Variants in TRRAP observed in about 807,000 individuals in gnomAD.
The protein encoded by TRRAP is transformation/transcription domain associated protein.
In TRRAP, 41 loss-of-function variants were observed where a neutral mutation model predicts 438.8. The ratio of observed to expected loss-of-function variants is 0.09; its 90% CI spans 0.07 to 0.12. The LOEUF (loss-of-function observed/expected upper bound fraction) is 0.12. Ranked by LOEUF, TRRAP falls within the 10% of genes least tolerant of loss-of-function variation. The pLI is 1.00. For synonymous variants in TRRAP, 1,994 were observed against 1,962.9 expected (o/e 1.02, Z -0.42); for missense variants, 3,122 against 5,055.1 (o/e 0.62, Z 11.60).
At position 99,012,052 on chromosome 7, in the gene TRRAP, C is replaced by G. The variant is rs527587202; in HGVS notation, c.11338-19C>G. ...GTTCTTGGTTAAACACAAGTCGTCT[C>G]GTTCTCTCCCTCACGCAGGTGGATG... On this transcript the variant is annotated intron_variant, in intron 72 of 72. Transcript: ENST00000456197. The surrounding 1 kb of genome is among the most constrained non-coding windows in gnomAD (Gnocchi z 5.9). 5.3e-5 allele frequency: 86 copies of G among 1,609,886 alleles called. 2 individuals carry two copies. The South Asian group carries it at 7.5e-4, about 14-fold the overall frequency.
At chr7:98,950,597 G>T (rs938772335) in intron 38 of TRRAP, among the ~76,000 whole-genome samples, 4 of 152,248 alleles carry the variant, frequency 2.6e-5, no homozygotes, top group African/African-American at 7.2e-5. Context: ...GTGCATGCAG[G>T]AGTGACCCAG....
At chr7:98,944,297 G>A (rs1282409106) in intron 31 of TRRAP, among the ~76,000 whole-genome samples, 8 of 152,022 alleles carry the variant, frequency 5.3e-5, no homozygotes, top group African/African-American at 1.9e-4. Context: ...AAAACCTAGT[G>A]GGTAGATTCA....
chr7:98,999,359 C>G, intron 67 of TRRAP: 1 of 1,402,868 alleles, frequency 7.1e-7, no homozygotes, highest in Non-Finnish European at 1.0e-6. Context: ...ACAGTGATTC[C>G]ACATCCTGCA....
chr7:98,898,919 A>G (rs1055631943), intron 8 of TRRAP, among the ~76,000 whole-genome samples: 1 of 152,214 alleles, frequency 6.6e-6, no homozygotes, highest in African/African-American at 2.4e-5. Context: ...CGGGCACGGT[A>G]GCACACACCT....
At chr7:98,960,466 CTG>C (rs1454637512) in intron 45 of TRRAP, among the ~76,000 whole-genome samples, 2 of 152,154 alleles carry the variant, frequency 1.3e-5, no homozygotes, top group Admixed American at 1.3e-4. Context: ...ACCACGAACT[CTG>C]TCTTCTATTT....
chr7:98,887,317 C>G lies in TRRAP; in HGVS notation c.151-3018C>G, dbSNP rs1795757935. On this transcript the variant is annotated intron_variant, in intron 3 of 72. Transcript: ENST00000456197. ...CAAATATGTTTGACTTCTTGATAAC[C>G]TGGCAGTTAGTTCAGTGTTGCAGCA... Among the ~76,000 whole-genome samples the G allele has an allele frequency of 2.0e-5, 3 of 152,196 alleles. 1 individual carries two copies. The highest frequency in any genetic ancestry group is 6.5e-5 in the Admixed American group (1 of 15,278).
chr7:98,914,366 C>T lies in TRRAP; in HGVS notation c.2200-1357C>T, dbSNP rs782206622. Among the ~76,000 whole-genome samples, 35 of 151,968 alleles carry T rather than the reference C, an allele frequency of 2.3e-4. 1 individual carries two copies. Among genetic ancestry groups the T allele is most frequent in the Admixed American group, 4.6e-4 (7 of 15,242 alleles). On this transcript the variant is annotated intron_variant, in intron 18 of 72. Transcript: ENST00000456197. ...TGCAGTGCACTTCAGCTTAGGTGAC[C>T]GAGTGAGATCCTGTCTCCAAAACAG...
chr7:98,924,813 C>G (rs2116482912), intron 21 of TRRAP, among the ~76,000 whole-genome samples: 1 of 150,910 alleles, frequency 6.6e-6, no homozygotes, highest in Non-Finnish European at 1.5e-5. Context: ...ACCATCCTGG[C>G]TAACACAGTG....
rs201549857 is a variant in TRRAP, at chr7:98,908,819, G to A, written c.1207G>A (p.Ala403Thr). 31 of 1,611,204 alleles carry A rather than the reference G, an allele frequency of 1.9e-5. No individual in the cohort carries two copies. In the East Asian group the frequency reaches 3.1e-4, roughly 16 times the overall value. Reference protein sequence around the residue: ...SDLSLAVQLFAKNIDDESLPS... With the variant: ...SDLSLAVQLFTKNIDDESLPS... ...CCTCTCCCTCGCCGTCCAGCTCTTC[G>A]CCAAGAACATCGACGATGAGTCCCT... The change falls in exon 14 of 73, where the codon GCC becomes ACC. Residue 403 changes from alanine (A) to threonine (T), a missense_variant. This residue lies in a region of TRRAP where 343 missense variants were observed against 564.0 expected (regional missense o/e 0.61). Coordinates refer to ENST00000456197, the MANE Select transcript of TRRAP (RefSeq NM_001375524.1). This position sits in a 1 kb window ranked among gnomAD's most constrained non-coding sequence, Gnocchi z 4.1.
Position 98,935,572 on chromosome 7 carries a change from T to TA in TRRAP, c.4015-7_4015-6insA, listed in dbSNP as rs1562949392. 1 of 1,596,256 alleles carries TA rather than the reference T, an allele frequency of 6.3e-7. No individual in the cohort carries two copies. The highest frequency in any genetic ancestry group is 8.6e-7 in the Non-Finnish European group (1 of 1,165,414). On this transcript the variant is annotated splice_region_variant and splice_polypyrimidine_tract_variant and intron_variant, in intron 27 of 72. Coordinates refer to ENST00000456197, the MANE Select transcript of TRRAP (RefSeq NM_001375524.1). ...TGGGCTAAATGAAATTGTTTTATCT[T>TA]TTGCAGCTGTTGAATTTGTGTGAGG...
intron 29 of TRRAP, 117 bp downstream of exon 29, chr7:98,937,394 T>A: frequency 2.8e-6 from 4 of 1,417,096 alleles, no homozygotes; most frequent in Non-Finnish European, 3.7e-6. Context: ...CTAAAAGGCT[T>A]TATGCATGTG....
chr7:98,961,860 C>T (rs957992274), intron 46 of TRRAP, among the ~76,000 whole-genome samples: 5 of 152,246 alleles, frequency 3.3e-5, no homozygotes, highest in African/African-American at 7.2e-5. Flanking sequence ...CCAGAGGTTG[C>T]GGTGAGCCGA....
chr7:98,930,280 T>A, intron 24 of TRRAP, 74 bp downstream of exon 24: 1 of 1,543,506 alleles, frequency 6.5e-7, no homozygotes, highest in Non-Finnish European at 8.9e-7. Context: ...TAGAAACTGA[T>A]AGTTTAAGAA....
rs782764762 is a variant in TRRAP, at chr7:98,917,581, G to A, written c.2524G>A (p.Val842Ile). 1.1e-5 allele frequency: 18 copies of A among 1,614,094 alleles called. No homozygotes were observed. The highest frequency in any genetic ancestry group is 2.7e-5 in the African/African-American group (2 of 74,938). Residue 842 changes from valine to isoleucine, a missense_variant, in exon 20 of 73, where the codon GTC becomes ATC. Physicochemically the swap from Val to Ile is conservative, Grantham distance 29. Coordinates refer to ENST00000456197, the MANE Select transcript of TRRAP (RefSeq NM_001375524.1). Reference sequence around the variant, plus strand: ...TGCACTCAATGGGTCTCAGACATTGGTCAGCCAAGGCCTCAGGACGCTGGA... The same window carrying A: ...TGCACTCAATGGGTCTCAGACATTGATCAGCCAAGGCCTCAGGACGCTGGA... The part of the protein sequence containing the change: ...VSALNGSQTL[V>I]SQGLRTLELC...
chr7:98,935,238 C>G (rs310735), intron 27 of TRRAP, among the ~76,000 whole-genome samples: 152,254 of 152,260 alleles, frequency 1, 76,124 homozygotes, highest in Middle Eastern at 1. Flanking sequence ...ACCAGGAAGA[C>G]ACGGCCCTGC....
Position 98,993,753 on chromosome 7 carries a change from C to T in TRRAP, c.10047+16C>T. 1 of 1,613,678 alleles carries T rather than the reference C, an allele frequency of 6.2e-7. No individual in the cohort carries two copies. Among genetic ancestry groups the T allele is most frequent in the Non-Finnish European group, 8.5e-7 (1 of 1,179,586 alleles). ...GCATGAAGAGGTATTTGGCTCTGAT[C>T]TTGCACATGGTGGCTCCTTGTAGAG... On this transcript the variant is annotated intron_variant, in intron 66 of 72. Transcript: ENST00000456197.
chr7:99,008,885 A>G (rs187798164), intron 70 of TRRAP, among the ~76,000 whole-genome samples: 1 of 152,296 alleles, frequency 6.6e-6, no homozygotes, highest in East Asian at 1.9e-4. Flanking sequence ...GGCTCACTTG[A>G]CAGCCACACC....
At chr7:98,917,029 G>C (rs1789547704) in intron 19 of TRRAP, among the ~76,000 whole-genome samples, 1 of 152,022 alleles carries the variant, frequency 6.6e-6, no homozygotes, top group Non-Finnish European at 1.5e-5. Flanking sequence ...GGTGGGGAGG[G>C]GGACTTTATC....
rs776990499 is a variant in TRRAP, at chr7:99,012,247, C to T, written c.11514C>T (p.Asn3838=). Residue 3838 remains asparagine (N), a synonymous_variant, in exon 73 of 73, where the codon AAC becomes AAT. Coordinates refer to ENST00000456197, the MANE Select transcript of TRRAP (RefSeq NM_001375524.1). The surrounding 1 kb of genome is among the most constrained non-coding windows in gnomAD (Gnocchi z 5.9). ...AVTAIMTRLH[N]LAQFEGGESK... ...CCGCCATCATGACCCGCCTGCACAA[C>T]CTCGCCCAGTTCGAAGGCGGGGAAA... 1.9e-6 allele frequency: 3 copies of T among 1,614,158 alleles called. No individual in the cohort carries two copies. Among genetic ancestry groups the T allele is most frequent in the Admixed American group, 1.7e-5 (1 of 60,032 alleles).
Sources: allele counts gnomAD v4.1 joint callset (sites outside exome capture counted in the v4.1 genomes callset), GRCh38; gene constraint gnomAD v4.1.1; regional missense constraint gnomAD v4.1.1; non-coding constraint Gnocchi (gnomAD v3.1); transcripts MANE v1.5; gene names NCBI Gene and HGNC (gene_info 2026-07-23, HGNC 2026-07-21).